The following SYNGR4 variants were observed in gnomAD, a reference collection of about 807,000 sequenced individuals.
The protein encoded by SYNGR4 is synaptogyrin 4.
A neutral mutation model predicts 15.5 loss-of-function variants in SYNGR4; 15 were observed. The ratio of observed to expected loss-of-function variants is 0.97; its 90% confidence interval spans 0.65 to 1.49. The LOEUF is 1.49. Ranked by LOEUF, SYNGR4 falls within the 40% of genes most tolerant of loss-of-function variation. SYNGR4 has a pLI of 0.00. For synonymous variants in SYNGR4, 121 were observed against 127.4 expected, an observed-to-expected ratio of 0.95 and a Z score of 0.34; for missense variants, 292 against 299.3, an observed-to-expected ratio of 0.98 and a Z score of 0.18.
Position 48,375,804 on chromosome 19 carries a change from G to C in SYNGR4, c.471+52G>C, listed in dbSNP as rs774229325. The C allele has an allele frequency of 5.7e-6, 9 of 1,589,504 alleles. No individual in the cohort carries two copies. The East Asian group carries it at 2.0e-4, about 36-fold the overall frequency. Reference sequence around the variant, plus strand: ...TCCCTAGGAGGGCACCCTCTGCAGGGTGGGGTTGAAAGGGCTAGAACATTC... The same window carrying C: ...TCCCTAGGAGGGCACCCTCTGCAGGCTGGGGTTGAAAGGGCTAGAACATTC... On this transcript the variant is annotated intron_variant, in intron 4 of 4. Coordinates refer to ENST00000344846, the MANE Select transcript of SYNGR4 (RefSeq NM_012451.4).
Position 48,375,617 on chromosome 19 carries a change from CTGGG to C in SYNGR4, c.337_340del (p.Trp113GlnfsTer74), listed in dbSNP as rs979376426. On this transcript the variant is annotated frameshift_variant, in exon 4 of 5. Transcript: ENST00000344846. LOFTEE classifies it high-confidence loss of function. The stretch of plus-strand genomic sequence containing the variant: ...TCTCTCCCTGTGACGCCACAGTTCT[CTGGG>C]CAGTTGTCTGGTTCATGGGTTTCTG... 3 of 1,613,196 alleles carry C rather than the reference CTGGG, an allele frequency of 1.9e-6. No homozygotes were observed. The African/African-American group carries it at 4.0e-5, about 22-fold the overall frequency.
chr19:48,374,507 C>T (rs1970370101), intron 3 of SYNGR4, among the ~76,000 whole-genome samples: 2 of 152,180 alleles, frequency 1.3e-5, no homozygotes, highest in Admixed American at 1.3e-4. Context: ...CTCCTCCCCA[C>T]CCTGCCGCTC....
Position 48,375,707 on chromosome 19 carries a change from T to C in SYNGR4, c.426T>C (p.Ser142=). 2 of 1,614,014 alleles carry C rather than the reference T, an allele frequency of 1.2e-6. No homozygotes were observed. The highest frequency in any genetic ancestry group is 1.7e-6 in the Non-Finnish European group (2 of 1,179,928). ...AAGAGTTCCTCCTGGGGAGCAGCAG[T>C]GCCCAGGCAGCCATCGCCTTCACCT... ...PPKEFLLGSS[S]AQAAIAFTFF... is the part of the protein sequence containing the mutation. Residue 142 remains serine (S), a synonymous_variant, in exon 4 of 5, where the codon AGT becomes AGC. Coordinates refer to ENST00000344846, the MANE Select transcript of SYNGR4 (RefSeq NM_012451.4).
chr19:48,370,489 A>G (rs1287617339), intron 2 of SYNGR4, among the ~76,000 whole-genome samples: 1 of 152,158 alleles, frequency 6.6e-6, no homozygotes, highest in Non-Finnish European at 1.5e-5. Flanking sequence ...TCTCAAAAAA[A>G]GAAAAAAGAG....
intron 2 of SYNGR4, among the ~76,000 whole-genome samples, chr19:48,366,755 A>G (rs1327853120): frequency 6.6e-6 from 1 of 152,162 alleles, no homozygotes; most frequent in Non-Finnish European, 1.5e-5. Flanking sequence ...CCACAGCCAC[A>G]TGTGGCTACC....
In SYNGR4 at chr19:48,373,731, A is replaced by G. The variant is rs1970352195; in HGVS notation, c.308A>G (p.Gln103Arg). The part of the protein sequence containing the change: ...IAGTRFKTAF[Q>R]LLDFILAVLW... ...GGCACCCGCTTCAAGACAGCCTTCC[A>G]GCTCCTGGACTTCATCCTGGCTGGT... The change falls in exon 3 of 5, where the codon CAG (glutamine) becomes CGG (arginine). Residue 103 changes from glutamine to arginine, a missense_variant. By Grantham distance (43) the Gln-to-Arg change is conservative. Coordinates refer to ENST00000344846, the MANE Select transcript of SYNGR4 (RefSeq NM_012451.4). 1.2e-6 allele frequency: 2 copies of G among 1,613,842 alleles called. No homozygotes were observed. The highest frequency in any genetic ancestry group is 1.7e-6 in the Non-Finnish European group (2 of 1,179,992).
intron 3 of SYNGR4, among the ~76,000 whole-genome samples, chr19:48,374,901 G>T (rs987953162): frequency 1.3e-5 from 2 of 151,558 alleles, no homozygotes; most frequent in Non-Finnish European, 2.9e-5. Context: ...GCTTGAACCC[G>T]GGAGGCAGAG....
intron 2 of SYNGR4, 97 bp from the exon 3 acceptor site, chr19:48,373,420 G>C (rs1970341465): frequency 9.6e-7 from 1 of 1,040,684 alleles, no homozygotes; most frequent in Non-Finnish European, 1.5e-6. Flanking sequence ...AGACGGACCA[G>C]TGACTGGGTA....
At chr19:48,369,788 A>G (rs1412601909) in intron 2 of SYNGR4, among the ~76,000 whole-genome samples, 1 of 152,168 alleles carries the variant, frequency 6.6e-6, no homozygotes, top group East Asian at 1.9e-4. Context: ...AAAAATGATC[A>G]ATGTGCTTTC....
chr19:48,366,607 T>C (rs1229694676), intron 2 of SYNGR4, among the ~76,000 whole-genome samples: 1 of 151,530 alleles, frequency 6.6e-6, no homozygotes, highest in Non-Finnish European at 1.5e-5. Flanking sequence ...GGTTTCGCCA[T>C]GTTGGCCAGG....
intron 1 of SYNGR4, among the ~76,000 whole-genome samples, chr19:48,365,182 A>G (rs1970176293): frequency 6.9e-6 from 1 of 145,820 alleles, no homozygotes; most frequent in African/African-American, 2.6e-5. Context: ...TCCCCACACG[A>G]CACCTTGCCT....
chr19:48,365,827 A>G lies in SYNGR4; in HGVS notation c.-16A>G, dbSNP rs201068499. The G allele has an allele frequency of 1.2e-6, 2 of 1,613,200 alleles. No homozygotes were observed. The highest frequency in any genetic ancestry group is 1.3e-5 in the African/African-American group (1 of 75,046). Reference sequence around the variant, plus strand: ...TGGCTCCCACCTCCCAGTGGCCCCAAAGGAAAACAGCTGCCATGCACATCC... The same window carrying G: ...TGGCTCCCACCTCCCAGTGGCCCCAGAGGAAAACAGCTGCCATGCACATCC... On this transcript the variant is annotated 5_prime_UTR_variant, in exon 2 of 5. Transcript: ENST00000344846.
chr19:48,365,880 GCGAAGC>G lies in SYNGR4; in HGVS notation c.41_46del (p.Glu14_Ala15del), dbSNP rs780992127. The G allele has an allele frequency of 1.2e-4, 201 of 1,613,826 alleles. No individual in the cohort carries two copies. Among genetic ancestry groups the G allele is most frequent in the Non-Finnish European group, 1.5e-4 (176 of 1,180,014 alleles). Reference sequence around the variant, plus strand: ...AAAAGCCTCCAGGAGCTGGCCAACAGCGAAGCCGTGCAGTTTCTGAGAAGGCCCAAG... The same window carrying G: ...AAAAGCCTCCAGGAGCTGGCCAACAGCGTGCAGTTTCTGAGAAGGCCCAAG... On this transcript the variant is annotated inframe_deletion, in exon 2 of 5. Coordinates refer to ENST00000344846, the MANE Select transcript of SYNGR4 (RefSeq NM_012451.4).
At chr19:48,373,379 C>T (rs753190289) in intron 2 of SYNGR4, 138 bp from the exon 3 acceptor site, 1 of 743,596 alleles carries the variant, frequency 1.3e-6, no homozygotes, top group Non-Finnish European at 2.3e-6. Flanking sequence ...AGGGCTCTGA[C>T]ACTGTGACAA....
chr19:48,369,058 G>T (rs1442916646), intron 2 of SYNGR4, among the ~76,000 whole-genome samples: 1 of 152,158 alleles, frequency 6.6e-6, no homozygotes, highest in Non-Finnish European at 1.5e-5. Context: ...GGAGGAGGAA[G>T]AGCCGCCAAC....
At chr19:48,375,462 G>A (rs1046762540) in intron 3 of SYNGR4, 151 bp from the exon 4 acceptor site, 2 of 950,354 alleles carry the variant, frequency 2.1e-6, no homozygotes, top group Non-Finnish European at 3.1e-6. Flanking sequence ...TGTGGGAGAT[G>A]TGTCAACATA....
intron 2 of SYNGR4, among the ~76,000 whole-genome samples, chr19:48,369,965 G>A (rs748831444): frequency 6.6e-6 from 1 of 152,120 alleles, no homozygotes; most frequent in African/African-American, 2.4e-5. Flanking sequence ...TATTGCTGAA[G>A]GGCTAGGCAA....
At chr19:48,365,970 G>T in intron 2 of SYNGR4, 35 bp downstream of exon 2, 1 of 1,605,668 alleles carries the variant, frequency 6.2e-7, no homozygotes. Context: ...GTGCCCCTGG[G>T]TGACAGGAGC....
intron 2 of SYNGR4, among the ~76,000 whole-genome samples, chr19:48,367,892 T>C (rs1183405100): frequency 1.3e-5 from 2 of 152,186 alleles, no homozygotes; most frequent in African/African-American, 2.4e-5. Flanking sequence ...TTTAACAGAA[T>C]TGGAAACTAA....
Sources: allele counts gnomAD v4.1 joint callset (sites outside exome capture counted in the v4.1 genomes callset), GRCh38; gene constraint gnomAD v4.1.1; transcripts MANE v1.5; gene names NCBI Gene and HGNC (gene_info 2026-07-23, HGNC 2026-07-21).